EIF4G1: variants seen among roughly 807,000 people sequenced by gnomAD.
EIF4G1 encodes EIF4-gamma.
In EIF4G1, 4 loss-of-function variants were observed where a neutral mutation model predicts 187.8. The ratio of observed to expected loss-of-function variants is 0.02; its 90% CI spans 0.01 to 0.05. The LOEUF (loss-of-function observed/expected upper bound fraction) is 0.05, where lower values mean the gene tolerates loss of function less well. Among genes scored for constraint, EIF4G1 ranks in the 10% least tolerant of loss-of-function variants. The pLI is 1.00. For missense variants in EIF4G1, 1,647 were observed against 2,081.1 expected (o/e 0.79, Z 4.06); for synonymous variants, 844 against 781.4 (o/e 1.08, Z -1.34).
intron 8 of EIF4G1, 51 bp downstream of exon 8, chr3:184,320,773 T>C: frequency 6.2e-7 from 1 of 1,612,780 alleles, no homozygotes; most frequent in African/African-American, 1.3e-5. Context: ...TGTTCTGCCC[T>C]GGACTCCCAA....
At chr3:184,318,935 C>A (rs1723276024) in intron 6 of EIF4G1, among the ~76,000 whole-genome samples, 1 of 151,882 alleles carries the variant, frequency 6.6e-6, no homozygotes, top group Non-Finnish European at 1.5e-5. Context: ...AAAATTAGGC[C>A]TGGTGATGCA....
chr3:184,329,155 C>A, intron 28 of EIF4G1, 165 bp downstream of exon 28: 1 of 780,228 alleles, frequency 1.3e-6, no homozygotes, highest in Non-Finnish European at 2.1e-6. Flanking sequence ...CTCCCGCACA[C>A]CAGTTCCTAT....
intron 26 of EIF4G1, 167 bp downstream of exon 26, chr3:184,328,169 A>G (rs997889178): frequency 1.2e-5 from 9 of 746,398 alleles, no homozygotes; most frequent in Non-Finnish European, 4.6e-6. Context: ...TGGATTCCTT[A>G]GAGGATCACG....
Position 184,317,697 on chromosome 3 carries a change from C to G in EIF4G1, c.325-20C>G, listed in dbSNP as rs372384604. ...ATAGCTCCCTCAACTCCTTCTCTCC[C>G]TCTCCCCCTTCCCCACCAGGGGCGT... is the stretch of plus-strand genomic sequence containing the variant. On this transcript the variant is annotated intron_variant, in intron 5 of 32. Transcript: ENST00000346169. 5.0e-6 allele frequency: 8 copies of G among 1,606,114 alleles called. No homozygotes were observed. Among genetic ancestry groups the G allele is most frequent in the Non-Finnish European group, 6.8e-6 (8 of 1,173,002 alleles).
chr3:184,326,008 A>G, intron 21 of EIF4G1, 57 bp downstream of exon 21: 1 of 1,570,824 alleles, frequency 6.4e-7, no homozygotes, highest in African/African-American at 1.3e-5. Context: ...TAGTCCCTTC[A>G]CTTTTCTAAA....
intron 22 of EIF4G1, 91 bp from the exon 23 acceptor site, chr3:184,326,790 G>A: frequency 6.5e-7 from 1 of 1,546,106 alleles, no homozygotes; most frequent in East Asian, 2.2e-5. Context: ...TTTACTTTTG[G>A]GACTGGGACC....
intron 32 of EIF4G1, 85 bp downstream of exon 32, chr3:184,332,171 T>A: frequency 1.9e-6 from 3 of 1,585,914 alleles, no homozygotes; most frequent in South Asian, 1.1e-5. Context: ...AGGGTCTTAA[T>A]CCAAGAAAGG....
chr3:184,323,760 C>A lies in EIF4G1; in HGVS notation c.2275-20C>A, dbSNP rs1560218332. The A allele has an allele frequency of 6.2e-7, 1 of 1,613,142 alleles. No individual in the cohort carries two copies. Among genetic ancestry groups the A allele is most frequent in the Non-Finnish European group, 8.5e-7 (1 of 1,180,032 alleles). ...CTGTTCTGAGACCCTCACTGGAACT[C>A]TTGTCTCTTCTCCCTCCAGGACCTA... On this transcript the variant is annotated intron_variant, in intron 15 of 32. Transcript: ENST00000346169. The surrounding 1 kb of genome is among the most constrained non-coding windows in gnomAD (Gnocchi z 6.9).
At chr3:184,332,366 C>CG in intron 32 of EIF4G1, among the ~76,000 whole-genome samples, 1 of 152,322 alleles carries the variant, frequency 6.6e-6, no homozygotes, top group East Asian at 1.9e-4. Flanking sequence ...CTTCCCAGTA[C>CG]CGTGTGCCCC....
intron 7 of EIF4G1, chr3:184,320,218 C>G: frequency 8.4e-7 from 1 of 1,189,754 alleles, no homozygotes; most frequent in East Asian, 5.3e-5. Flanking sequence ...GGTGCCAGAG[C>G]TGGGGAAGCC....
intron 9 of EIF4G1, 106 bp from the exon 10 acceptor site, chr3:184,321,173 AGAT>A: frequency 6.6e-7 from 1 of 1,522,606 alleles, no homozygotes; most frequent in Non-Finnish European, 9.1e-7. Context: ...GGTGGGGAGA[AGAT>A]GATGCGGGGT....
intron 4 of EIF4G1, chr3:184,316,795 C>T: frequency 6.5e-7 from 1 of 1,534,736 alleles, no homozygotes; most frequent in Non-Finnish European, 8.9e-7. Flanking sequence ...CCACCCTAGT[C>T]AGGGGCTAGA....
In EIF4G1 at chr3:184,327,213, CAGG is replaced by C. The variant is rs781643809; in HGVS notation, c.3429_3431del (p.Arg1143del). 6.2e-7 allele frequency: 1 copy of C among 1,612,558 alleles called. No individual in the cohort carries two copies. Among genetic ancestry groups the C allele is most frequent in the East Asian group, 2.2e-5 (1 of 44,888 alleles). ...AGTGAAAATTTGTCTGTCTGTCTTC[CAGG>C]AGTAGCTTGAGCCGAGAACGAGGCG... On this transcript the variant is annotated splice_acceptor_variant and coding_sequence_variant, in exon 24 of 33. Transcript: ENST00000346169. LOFTEE classifies it high-confidence loss of function.
At chr3:184,316,664 C>T (rs368429225) in intron 4 of EIF4G1, 6 of 1,558,632 alleles carry the variant, frequency 3.8e-6, no homozygotes, top group Non-Finnish European at 5.2e-6. Context: ...CTCCCCCCGC[C>T]ATCACCTTGG....
Position 184,334,834 on chromosome 3 carries a change from G to A in EIF4G1, c.4726G>A (p.Gly1576Ser), listed in dbSNP as rs1419964830. 6.2e-7 allele frequency: 1 copy of A among 1,614,070 alleles called. No homozygotes were observed. Among genetic ancestry groups the A allele is most frequent in the African/African-American group, 1.3e-5 (1 of 74,918 alleles). Residue 1576 changes from glycine (G) to serine (S), a missense_variant, in exon 33 of 33, where the codon GGT (glycine) becomes AGT (serine). This residue lies in a region of EIF4G1 where 543 missense variants were observed against 638.0 expected (regional missense o/e 0.85). Transcript: ENST00000346169. The surrounding 1 kb of genome is among the most constrained non-coding windows in gnomAD (Gnocchi z 5.8). ...GGACCCCGCTGAGCAGCAGGGCAAG[G>A]GTGTGGCCCTTAAATCTGTCACAGC... is the stretch of plus-strand genomic sequence containing the variant. ...SKDPAEQQGK[G>S]VALKSVTAFF...
chr3:184,315,251 G>C (rs961207778), intron 1 of EIF4G1: 11 of 434,396 alleles, frequency 2.5e-5, no homozygotes, highest in African/African-American at 2.2e-4. Context: ...TACACTCCTG[G>C]GCGGCGGCAG....
intron 1 of EIF4G1, 126 bp downstream of exon 1, chr3:184,314,800 A>AGG (rs1722410711): frequency 7.6e-6 from 1 of 131,448 alleles, no homozygotes; most frequent in Non-Finnish European, 1.6e-5. Context: ...GGCCCGACCC[A>AGG]GGGCCCCGGC....
At chr3:184,319,554 G>GAGGGC (rs1392135083) in intron 6 of EIF4G1, 135 bp from the exon 7 acceptor site, 6 of 697,122 alleles carry the variant, frequency 8.6e-6, no homozygotes, top group East Asian at 5.5e-5. Context: ...CCTGGGGGAG[G>GAGGGC]AGGGCAGGGC....
At chr3:184,318,905 C>T (rs1314590082) in intron 6 of EIF4G1, among the ~76,000 whole-genome samples, 1 of 152,074 alleles carries the variant, frequency 6.6e-6, no homozygotes. Context: ...ACGCCTGGCC[C>T]TGTCTCAACT....
Sources: gnomAD v4.1 joint callset for allele counts (sites outside exome capture counted in the v4.1 genomes callset) on GRCh38, gnomAD v4.1.1 for gene constraint, gnomAD v4.1.1 regional missense constraint, Gnocchi (gnomAD v3.1) non-coding constraint, MANE v1.5 for transcripts, NCBI Gene and HGNC (gene_info 2026-07-23, HGNC 2026-07-21) for gene names.